The following NME7 variants were observed in gnomAD, a reference collection of about 807,000 sequenced individuals.
The protein encoded by NME7 is NME/NM23 family member 7.
Under a neutral mutation model 49.1 loss-of-function variants are expected in NME7, and 41 were observed. That is an observed-to-expected ratio of 0.83 (90% CI 0.65 to 1.08). The LOEUF (loss-of-function observed/expected upper bound fraction) is 1.08. NME7 is among the 50% of genes least tolerant of loss of function. NME7 has a pLI of 0.00. For missense variants in NME7, 423 were observed against 463.4 expected, an observed-to-expected ratio of 0.91 and a Z score of 0.80; for synonymous variants, 139 against 150.6, an observed-to-expected ratio of 0.92 and a Z score of 0.56.
chr1:169,289,977 C>G (rs188205401), intron 6 of NME7, among the ~76,000 whole-genome samples: 3 of 151,848 alleles, frequency 2.0e-5, no homozygotes, highest in Non-Finnish European at 2.9e-5. Context: ...TTACTCTTGG[C>G]CTTTTACATT....
At chr1:169,290,187 T>C (rs1650443341) in intron 6 of NME7, among the ~76,000 whole-genome samples, 2 of 152,146 alleles carry the variant, frequency 1.3e-5, no homozygotes, top group Non-Finnish European at 2.9e-5. Flanking sequence ...AATTAATCTA[T>C]ACTAATAATT....
chr1:169,343,975 T>C (rs1652868081), intron 1 of NME7, among the ~76,000 whole-genome samples: 2 of 152,198 alleles, frequency 1.3e-5, no homozygotes, highest in South Asian at 4.1e-4. Flanking sequence ...TTGATAGGAA[T>C]TGCACTAAAT....
chr1:169,192,616 A>C (rs945031449), intron 10 of NME7, among the ~76,000 whole-genome samples: 3 of 152,166 alleles, frequency 2.0e-5, no homozygotes, highest in Non-Finnish European at 4.4e-5. Context: ...GAAAAAAGGG[A>C]GTATGGTAAT....
At chr1:169,365,367 C>T (rs1161759872) in intron 1 of NME7, among the ~76,000 whole-genome samples, 1 of 152,154 alleles carries the variant, frequency 6.6e-6, no homozygotes, top group Non-Finnish European at 1.5e-5. Flanking sequence ...CAATGTTTGG[C>T]CTTTCTGGGA....
intron 11 of NME7, among the ~76,000 whole-genome samples, chr1:169,164,368 G>A (rs1489159868): frequency 6.6e-6 from 1 of 152,062 alleles, no homozygotes; most frequent in Non-Finnish European, 1.5e-5. Flanking sequence ...CCTACTATGT[G>A]TACTCACAGT....
At chr1:169,194,876 T>C (rs1660331622) in intron 10 of NME7, among the ~76,000 whole-genome samples, 1 of 152,146 alleles carries the variant, frequency 6.6e-6, no homozygotes, top group South Asian at 2.1e-4. Context: ...GGGTGACAGT[T>C]TCATGATTGG....
chr1:169,355,582 C>A (rs1056556170), intron 1 of NME7, among the ~76,000 whole-genome samples: 4 of 151,190 alleles, frequency 2.6e-5, no homozygotes, highest in African/African-American at 9.7e-5. Context: ...ACTAAATAAA[C>A]CAAGCAGGCT....
chr1:169,194,437 T>C (rs1379644674), intron 10 of NME7, among the ~76,000 whole-genome samples: 1 of 152,168 alleles, frequency 6.6e-6, no homozygotes, highest in Non-Finnish European at 1.5e-5. Context: ...TTCTGAGAGA[T>C]CAGGAGAGTG....
At chr1:169,213,359 T>C (rs1660885540) in intron 10 of NME7, among the ~76,000 whole-genome samples, 1 of 134,222 alleles carries the variant, frequency 7.5e-6, no homozygotes, top group Non-Finnish European at 1.7e-5. Flanking sequence ...GAGAATGAAC[T>C]GCACAGGAGT....
chr1:169,208,064 A>G (rs1171328249), intron 10 of NME7, among the ~76,000 whole-genome samples: 1 of 152,122 alleles, frequency 6.6e-6, no homozygotes, highest in African/African-American at 2.4e-5. Context: ...GAGATTCACA[A>G]TGCATGTCAG....
intron 10 of NME7, among the ~76,000 whole-genome samples, chr1:169,188,241 T>C (rs915330441): frequency 6.6e-6 from 1 of 152,094 alleles, no homozygotes; most frequent in Admixed American, 6.6e-5. Context: ...CAAAGACAAA[T>C]GTCTATAAGT....
chr1:169,161,410 C>T (rs1055761907), intron 11 of NME7, among the ~76,000 whole-genome samples: 16 of 152,184 alleles, frequency 1.1e-4, no homozygotes, highest in African/African-American at 2.7e-4. Context: ...GCGTTAATCA[C>T]GGCCAAGAAA....
At chr1:169,278,790 G>C (rs377375401) in intron 7 of NME7, among the ~76,000 whole-genome samples, 10 of 151,942 alleles carry the variant, frequency 6.6e-5, no homozygotes, top group East Asian at 1.9e-4. Context: ...TTTTTCTGCT[G>C]TGTTTTTTCC....
At chr1:169,146,142 T>C (rs867516837) in intron 11 of NME7, among the ~76,000 whole-genome samples, 1 of 152,204 alleles carries the variant, frequency 6.6e-6, no homozygotes, top group Non-Finnish European at 1.5e-5. Flanking sequence ...TATGTCCATG[T>C]GTAACCATTG....
intron 7 of NME7, among the ~76,000 whole-genome samples, chr1:169,273,290 AT>A (rs1257567025): frequency 7.8e-6 from 1 of 128,420 alleles, no homozygotes; most frequent in African/African-American, 2.6e-5. Context: ...ACTCAGACTT[AT>A]GAGTGAGAAC....
At chr1:169,234,601 G>A (rs1571313065) in intron 9 of NME7, among the ~76,000 whole-genome samples, 1 of 151,962 alleles carries the variant, frequency 6.6e-6, no homozygotes, top group Admixed American at 6.6e-5. Flanking sequence ...TCATAAGGTA[G>A]GTAATAGCAT....
At chr1:169,187,012 T>C (rs530090703) in intron 10 of NME7, among the ~76,000 whole-genome samples, 4 of 152,300 alleles carry the variant, frequency 2.6e-5, no homozygotes, top group African/African-American at 9.6e-5. Flanking sequence ...TTAATTTTGT[T>C]ATTTACCCAG....
In NME7 at chr1:169,342,868, C is replaced by CAT. The variant is rs1168616843; in HGVS notation, c.4-18370_4-18369dup. On this transcript the variant is annotated intron_variant, in intron 1 of 11. Coordinates refer to ENST00000367811, the MANE Select transcript of NME7 (RefSeq NM_013330.5). ...TATATAGTATATATATATACAAGTACATATATATAGTATATATACATATAT... is the reference window on the plus strand; with the variant it reads ...TATATAGTATATATATATACAAGTACATATATATATAGTATATATACATATAT... Among the ~76,000 whole-genome samples, 2 of 78,550 alleles carry CAT rather than the reference C, an allele frequency of 2.5e-5. 1 individual carries two copies. The highest frequency in any genetic ancestry group is 8.6e-5 in the African/African-American group (2 of 23,154). The allele number at this position is 78,550 out of a possible 152,430, so 51.5% of individuals were successfully genotyped here. A position where few individuals can be genotyped will look rare whatever the true frequency, so the allele number is the denominator to read the frequency against.
intron 11 of NME7, among the ~76,000 whole-genome samples, chr1:169,159,587 C>T (rs1348676300): frequency 6.6e-6 from 1 of 152,132 alleles, no homozygotes; most frequent in South Asian, 2.1e-4. Context: ...ATTCCTATTG[C>T]TTTCTGCAGA....
Sources: gnomAD v4.1 joint callset for allele counts (sites outside exome capture counted in the v4.1 genomes callset) on GRCh38, gnomAD v4.1.1 for gene constraint, MANE v1.5 for transcripts, NCBI Gene and HGNC (gene_info 2026-07-23, HGNC 2026-07-21) for gene names.